The following NEU3 variants were observed in gnomAD, a reference collection of about 807,000 sequenced individuals.
The protein encoded by NEU3 is neuraminidase 3, also known as sialidase-3.
Under a neutral mutation model 11.4 loss-of-function variants are expected in NEU3, and 10 were observed. The observed-to-expected ratio is 0.88, with a 90% confidence interval of 0.54 to 1.49. The LOEUF (loss-of-function observed/expected upper bound fraction) is 1.49. NEU3 is among the 40% of genes most tolerant of loss of function. The pLI, the probability that NEU3 is intolerant of heterozygous loss-of-function variation, is 0.00. For synonymous variants in NEU3, 212 were observed against 228.2 expected, an observed-to-expected ratio of 0.93 and a Z score of 0.64; for missense variants, 529 against 581.8, an observed-to-expected ratio of 0.91 and a Z score of 0.93.
rs113649906 is a variant in NEU3, at chr11:75,004,421, AT to A, written c.307-989del. Reference sequence around the variant, plus strand: ...CCTGGCCATTGTCAGTTTCGTTTTAATTTGCATTTCTCTCTTATGAGTGAAG... The same window carrying A: ...CCTGGCCATTGTCAGTTTCGTTTTAATTGCATTTCTCTCTTATGAGTGAAG... On this transcript the variant is annotated intron_variant, in intron 2 of 2. Coordinates refer to ENST00000294064, the MANE Select transcript of NEU3 (RefSeq NM_006656.6). The A allele has an allele frequency of 8.1e-4, 390 of 481,448 alleles. 4 individuals are homozygous for A. Among genetic ancestry groups the A allele is most frequent in the African/African-American group, 7.3e-3 (360 of 49,446 alleles). The allele number at this position is 481,448 out of a possible 1,614,324, so 29.8% of individuals were successfully genotyped here.
At chr11:74,981,122 C>T in the NEU3 span, among the ~76,000 whole-genome samples, 97 of 152,316 alleles carry the variant, frequency 6.4e-4, no homozygotes, top group Non-Finnish European at 5.3e-4. Context: ...CAGGCTTAGA[C>T]CCATGCAGAC....
intron 2 of NEU3, among the ~76,000 whole-genome samples, chr11:75,001,225 T>A (rs758966027): frequency 6.6e-6 from 1 of 152,100 alleles, no homozygotes; most frequent in Non-Finnish European, 1.5e-5. Flanking sequence ...ATGCTGAACA[T>A]GTTTTCATAT....
rs966986292 is a variant in NEU3, at chr11:75,010,019, G to A, written c.*3527G>A. 1 of 152,236 alleles carries A rather than the reference G, an allele frequency of 6.6e-6. No homozygotes were observed. Among genetic ancestry groups the A allele is most frequent in the African/African-American group, 2.4e-5 (1 of 41,458 alleles). The allele number at this position is 152,236 out of a possible 1,614,324, so 9.4% of individuals were successfully genotyped here. On this transcript the variant is annotated 3_prime_UTR_variant, in exon 3 of 3. Transcript: ENST00000294064. ...AGGAATTGATATCTCACTTTTGCCAGATTAGGCTTCTCACTCTTCTTGAGT... is the reference window on the plus strand; with the variant it reads ...AGGAATTGATATCTCACTTTTGCCAAATTAGGCTTCTCACTCTTCTTGAGT...
At chr11:74,984,712 C>T (rs1398678413), upstream of NEU3, among the ~76,000 whole-genome samples, 1 of 152,198 alleles carries the variant, frequency 6.6e-6, no homozygotes, top group African/African-American at 2.4e-5. Context: ...TAATTCTGCT[C>T]TGCTAATACG....
At position 75,005,808 on chromosome 11, in the gene NEU3, G is replaced by GATGATCT; in HGVS notation, c.704_710dup (p.Ser238AspfsTer4). ...CATGTAAAACCAGGCCTCATTCTCT[G>GATGATCT]ATGATCTACAGTGATGACCTAGGGG... On this transcript the variant is annotated frameshift_variant, in exon 3 of 3. Coordinates refer to ENST00000294064, the MANE Select transcript of NEU3 (RefSeq NM_006656.6). LOFTEE classifies it low-confidence loss of function (END_TRUNC). The GATGATCT allele has an allele frequency of 6.2e-7, 1 of 1,613,946 alleles. No individual in the cohort carries two copies. The highest frequency in any genetic ancestry group is 8.5e-7 in the Non-Finnish European group (1 of 1,179,862).
At chr11:75,014,932 A>G (rs1476988919), downstream of NEU3, among the ~76,000 whole-genome samples, 1 of 152,174 alleles carries the variant, frequency 6.6e-6, no homozygotes, top group Non-Finnish European at 1.5e-5. Flanking sequence ...GATAGATAAA[A>G]CTTTTTTAGA....
chr11:74,995,226 ACAGGGGGATAC>A (rs1206931928), intron 2 of NEU3, among the ~76,000 whole-genome samples: 2 of 152,216 alleles, frequency 1.3e-5, no homozygotes, highest in African/African-American at 4.8e-5. Context: ...TTAGCAGGTG[ACAGGGGGATAC>A]CAGTAATAAC....
At chr11:75,003,558 C>T (rs1206054708) in intron 2 of NEU3, among the ~76,000 whole-genome samples, 1 of 152,174 alleles carries the variant, frequency 6.6e-6, no homozygotes, top group African/African-American at 2.4e-5. Context: ...ATACTACATA[C>T]ACTATTCTGT....
In NEU3 at chr11:74,989,157, G is replaced by C; in HGVS notation, c.94+3G>C. The C allele has an allele frequency of 6.4e-7, 1 of 1,550,730 alleles. No homozygotes were observed. Among genetic ancestry groups the C allele is most frequent in the East Asian group, 2.4e-5 (1 of 40,846 alleles). On this transcript the variant is annotated splice_donor_region_variant and intron_variant, in intron 1 of 2. Coordinates refer to ENST00000294064, the MANE Select transcript of NEU3 (RefSeq NM_006656.6). The stretch of plus-strand genomic sequence containing the variant: ...GGAGGAGCCGGGGTCCAGTGCAGGT[G>C]AGCGGGGTTGGGAGACAGGAGAGCT...
At chr11:74,990,826 T>C (rs564717614) in intron 1 of NEU3, among the ~76,000 whole-genome samples, 35 of 152,352 alleles carry the variant, frequency 2.3e-4, no homozygotes, top group African/African-American at 8.4e-4. Context: ...TTAAAGTATG[T>C]TCTCTTTCAG....
At chr11:74,983,104 A>T in the NEU3 span, among the ~76,000 whole-genome samples, 1 of 152,320 alleles carries the variant, frequency 6.6e-6, no homozygotes, top group African/African-American at 2.4e-5. Flanking sequence ...CCTGACCAAC[A>T]TGGTTTTCTA....
At chr11:74,994,355 A>G (rs1289344447) in intron 1 of NEU3, among the ~76,000 whole-genome samples, 154 bp from the exon 2 acceptor site, 7 of 152,224 alleles carry the variant, frequency 4.6e-5, no homozygotes, top group Admixed American at 3.9e-4. Context: ...GCTTTGTGCT[A>G]TTGAGAGCAT....
chr11:74,991,902 C>T (rs912028021), intron 1 of NEU3, among the ~76,000 whole-genome samples: 10 of 152,276 alleles, frequency 6.6e-5, no homozygotes, highest in East Asian at 3.9e-4. Context: ...GGTGTCAAGG[C>T]GGAGCAATAA....
At position 75,006,534 on chromosome 11, in the gene NEU3, C is replaced by A; in HGVS notation, c.*42C>A. 6.4e-7 allele frequency: 1 copy of A among 1,562,192 alleles called. No homozygotes were observed. Among genetic ancestry groups the A allele is most frequent in the South Asian group, 1.2e-5 (1 of 82,602 alleles). ...TTTCCATAGATGCAAATGGCAGTTA[C>A]AGACAGGTTAACAGAAGCTACTGAA... On this transcript the variant is annotated 3_prime_UTR_variant, in exon 3 of 3. Transcript: ENST00000294064.
At chr11:75,015,461 G>T (rs1948976577), downstream of NEU3, among the ~76,000 whole-genome samples, 1 of 152,126 alleles carries the variant, frequency 6.6e-6, no homozygotes, top group African/African-American at 2.4e-5. Context: ...TGAATCACCT[G>T]AAGAGGTTTT....
chr11:74,985,661 G>C (rs1299425660), upstream of NEU3, among the ~76,000 whole-genome samples: 1 of 152,166 alleles, frequency 6.6e-6, no homozygotes, highest in Non-Finnish European at 1.5e-5. Flanking sequence ...GGACACATCT[G>C]GATCATAAGG....
In NEU3 at chr11:75,009,622, G is replaced by A. The variant is rs187000494; in HGVS notation, c.*3130G>A. The A allele has an allele frequency of 3.7e-4, 57 of 152,390 alleles. 1 individual carries two copies. Among genetic ancestry groups the A allele is most frequent in the African/African-American group, 1.3e-3 (56 of 41,546 alleles). 9.4% of individuals were successfully genotyped at this position (152,390 alleles called of 1,614,324 possible). On this transcript the variant is annotated 3_prime_UTR_variant, in exon 3 of 3. Transcript: ENST00000294064. ...ACAGGCATGTAGAGAGGACTACATA[G>A]GCCTCTGTTCTTTGCCCTCAGGAGC...
intron 1 of NEU3, 37 bp downstream of exon 1, chr11:74,989,191 A>G: frequency 2.0e-6 from 3 of 1,501,048 alleles, no homozygotes; most frequent in Non-Finnish European, 2.7e-6. Flanking sequence ...CTCCCCGAGG[A>G]GGACTCAACT....
Position 75,008,669 on chromosome 11 carries a change from C to T in NEU3, c.*2177C>T, listed in dbSNP as rs1948924953. 6.6e-6 allele frequency: 1 copy of T among 151,854 alleles called. No homozygotes were observed. Among genetic ancestry groups the T allele is most frequent in the Non-Finnish European group, 1.5e-5 (1 of 68,118 alleles). The allele number at this position is 151,854 out of a possible 1,614,324, so 9.4% of individuals were successfully genotyped here. The stretch of plus-strand genomic sequence containing the variant: ...TCCTGGGTTCAAGCAATTCTCCTGC[C>T]TCAGCCTCCCAAGTAGCTGGGATTA... On this transcript the variant is annotated 3_prime_UTR_variant, in exon 3 of 3. Transcript: ENST00000294064.
Sources: gnomAD v4.1 joint callset for allele counts (sites outside exome capture counted in the v4.1 genomes callset) on GRCh38, gnomAD v4.1.1 for gene constraint, MANE v1.5 for transcripts, NCBI Gene and HGNC (gene_info 2026-07-23, HGNC 2026-07-21) for gene names.